FRRS1: variants seen among roughly 807,000 people sequenced by gnomAD.
The protein encoded by FRRS1 is ferric reductase 1.
FRRS1 carries 51 observed loss-of-function variants against 70.7 expected under a neutral mutation model. That is an observed-to-expected ratio of 0.72 (90% CI 0.58 to 0.91). The LOEUF is 0.91. Among genes scored for constraint, FRRS1 ranks in the 40% least tolerant of loss-of-function variants. The pLI, the probability that FRRS1 is intolerant of heterozygous loss-of-function variation, is 0.00. For synonymous variants in FRRS1, 225 were observed against 238.7 expected (o/e 0.94, Z 0.53); for missense variants, 672 against 726.0 (o/e 0.93, Z 0.86).
intron 9 of FRRS1, among the ~76,000 whole-genome samples, chr1:99,726,890 G>A (rs1376879632): frequency 6.6e-6 from 1 of 152,046 alleles, no homozygotes; most frequent in African/African-American, 2.4e-5. Context: ...TTTTTTTGTT[G>A]TTGTTTTTTT....
intron 5 of FRRS1, 101 bp from the exon 6 acceptor site, chr1:99,741,041 C>T: frequency 9.3e-7 from 1 of 1,079,086 alleles, no homozygotes; most frequent in Non-Finnish European, 1.4e-6. Context: ...ACTAGAAAAA[C>T]ATGACTTACT....
In FRRS1 at chr1:99,760,149, T is replaced by C. The variant is rs139376129; in HGVS notation, c.-106+6458A>G. 5.7e-3 allele frequency among the ~76,000 whole-genome samples: 870 copies of C among 152,322 alleles called. 9 individuals are homozygous for C. In the Middle Eastern group the frequency reaches 0.092, roughly 16 times the overall value. On this transcript the variant is annotated intron_variant, in intron 1 of 16. Transcript: ENST00000646001. ...CAGAAAGAATGAATGTAAAAATCCA[T>C]AGATGCCTGAAAACAGCAAGTTGTC...
At chr1:99,753,143 TTCAAGGTGGCAGTGAGCTACAATCACAC>T in intron 1 of FRRS1, among the ~76,000 whole-genome samples, 1 of 151,016 alleles carries the variant, frequency 6.6e-6, no homozygotes, top group Non-Finnish European at 1.5e-5. Context: ...AGCCCAAGAA[TTCAAGGTGGCAGTGAGCTACAATCACAC>T]CACTGCACTC....
intron 10 of FRRS1, among the ~76,000 whole-genome samples, chr1:99,719,214 T>C (rs911091414): frequency 6.6e-6 from 1 of 151,844 alleles, no homozygotes; most frequent in African/African-American, 2.4e-5. Flanking sequence ...ATCGAGACCA[T>C]CCTGGCCAAC....
chr1:99,741,175 G>C (rs1277096459), intron 5 of FRRS1, among the ~76,000 whole-genome samples: 1 of 151,978 alleles, frequency 6.6e-6, no homozygotes, highest in Non-Finnish European at 1.5e-5. Context: ...TCTGTTTTGG[G>C]GGCATATTCA....
intron 10 of FRRS1, among the ~76,000 whole-genome samples, chr1:99,718,111 G>A (rs914110612): frequency 5.3e-5 from 8 of 152,060 alleles, no homozygotes; most frequent in African/African-American, 1.4e-4. Flanking sequence ...GGCATTTATC[G>A]AAAACTTTAC....
intron 1 of FRRS1, among the ~76,000 whole-genome samples, chr1:99,762,367 G>C (rs1425258094): frequency 6.6e-6 from 1 of 151,998 alleles, no homozygotes; most frequent in Non-Finnish European, 1.5e-5. Context: ...GTCAGAAATA[G>C]TCATTGTAAA....
chr1:99,743,697 T>C (rs1426297571), intron 4 of FRRS1, among the ~76,000 whole-genome samples: 2 of 152,146 alleles, frequency 1.3e-5, no homozygotes, highest in Non-Finnish European at 2.9e-5. Context: ...TACAAGCACA[T>C]GCCACCACAC....
At chr1:99,754,408 G>A (rs1301223026) in intron 1 of FRRS1, among the ~76,000 whole-genome samples, 3 of 152,074 alleles carry the variant, frequency 2.0e-5, no homozygotes, top group Non-Finnish European at 4.4e-5. Flanking sequence ...GAACACAGGA[G>A]TTCAAGGTTG....
intron 11 of FRRS1, 136 bp downstream of exon 11, chr1:99,717,274 C>T (rs1209003740): frequency 7.5e-6 from 5 of 668,976 alleles, no homozygotes; most frequent in Non-Finnish European, 1.4e-5. Context: ...ATCAGGAAAT[C>T]AAAGGGAAAA....
intron 11 of FRRS1, among the ~76,000 whole-genome samples, chr1:99,716,727 G>A (rs549537048): frequency 7.9e-5 from 12 of 152,162 alleles, no homozygotes; most frequent in Non-Finnish European, 1.3e-4. Context: ...TACATTCTAA[G>A]TCAACATGAA....
chr1:99,759,185 C>T (rs575575253), intron 1 of FRRS1, among the ~76,000 whole-genome samples: 5 of 152,208 alleles, frequency 3.3e-5, no homozygotes, highest in African/African-American at 1.2e-4. Context: ...GATCTTTGTG[C>T]CTACTCCCTG....
Position 99,738,130 on chromosome 1 carries a change from T to A in FRRS1, c.715A>T (p.Ser239Cys). ...QSVMVEMSGP[S>C]KGYLSFALSH... ...AATGCAAAGGATAAATAGCCTTTACTGGGGCCGCTCATTTCAACCATCACC... is the reference window on the plus strand; with the variant it reads ...AATGCAAAGGATAAATAGCCTTTACAGGGGCCGCTCATTTCAACCATCACC... The change falls in exon 7 of 17, where the codon AGT becomes TGT. Residue 239 changes from serine (S) to cysteine (C), a missense_variant. By Grantham distance (112) the Ser-to-Cys change is moderately radical (BLOSUM62 -1). Coordinates refer to ENST00000646001, the MANE Select transcript of FRRS1 (RefSeq NM_001361041.2). The A allele has an allele frequency of 6.2e-7, 1 of 1,613,736 alleles. No homozygotes were observed. Among genetic ancestry groups the A allele is most frequent in the Non-Finnish European group, 8.5e-7 (1 of 1,179,676 alleles).
At chr1:99,766,234 T>A (rs1444512341) in intron 1 of FRRS1, among the ~76,000 whole-genome samples, 2 of 151,904 alleles carry the variant, frequency 1.3e-5, no homozygotes, top group African/African-American at 2.4e-5. Flanking sequence ...TAGGTAACCA[T>A]GCCACTAGCT....
intron 1 of FRRS1, among the ~76,000 whole-genome samples, chr1:99,749,511 T>C (rs1442534649): frequency 6.6e-6 from 1 of 152,242 alleles, no homozygotes; most frequent in Admixed American, 6.5e-5. Context: ...TTAAATATCA[T>C]CACCTGAATA....
chr1:99,733,701 G>A (rs929704573), intron 7 of FRRS1, among the ~76,000 whole-genome samples: 9 of 152,152 alleles, frequency 5.9e-5, no homozygotes, highest in African/African-American at 2.2e-4. Flanking sequence ...AAGAAAACTC[G>A]TATTTTCATA....
At position 99,706,619 on chromosome 1, in the gene FRRS1, C is replaced by T. The variant is rs1018445277; in HGVS notation, c.*2409G>A. ...TCCCTTAAAAGAATTTTCAGCTGGG[C>T]ACAGTGGCTCGTGCCTGTAATCCCA... On this transcript the variant is annotated 3_prime_UTR_variant, in exon 17 of 17. Transcript: ENST00000646001. Among the ~76,000 whole-genome samples, 1 of 152,092 alleles carries T rather than the reference C, an allele frequency of 6.6e-6. No homozygotes were observed. Among genetic ancestry groups the T allele is most frequent in the Non-Finnish European group, 1.5e-5 (1 of 68,020 alleles).
chr1:99,720,334 T>C (rs1408079809), intron 9 of FRRS1, among the ~76,000 whole-genome samples: 1 of 152,190 alleles, frequency 6.6e-6, no homozygotes, highest in Admixed American at 6.5e-5. Context: ...CAAAGATATA[T>C]GTACAGGAAT....
At chr1:99,747,453 G>T (rs1268008447) in intron 3 of FRRS1, 23 bp from the exon 4 acceptor site, 1 of 1,601,750 alleles carries the variant, frequency 6.2e-7, no homozygotes, top group Admixed American at 1.8e-5. Context: ...CAAAAGGGTT[G>T]GTTAAAAAGC....
Sources: allele counts gnomAD v4.1 joint callset (sites outside exome capture counted in the v4.1 genomes callset), GRCh38; gene constraint gnomAD v4.1.1; transcripts MANE v1.5; gene names NCBI Gene and HGNC (gene_info 2026-07-23, HGNC 2026-07-21).